ESPNL: variants seen among roughly 807,000 people sequenced by gnomAD.
ESPNL encodes espin like.
A neutral mutation model predicts 46.8 loss-of-function variants in ESPNL; 49 were observed. The ratio of observed to expected loss-of-function variants is 1.05; its 90% CI spans 0.83 to 1.33. The LOEUF (loss-of-function observed/expected upper bound fraction) is 1.33, where lower values mean the gene tolerates loss of function less well. Ranked by LOEUF, ESPNL falls within the 40% of genes most tolerant of loss-of-function variation. ESPNL has a pLI of 0.00. For synonymous variants in ESPNL, 664 were observed against 662.1 expected, an observed-to-expected ratio of 1.00 and a Z score of -0.04; for missense variants, 1,540 against 1,436.6, an observed-to-expected ratio of 1.07 and a Z score of -1.16.
Position 238,130,741 on chromosome 2 carries a change from C to CG in ESPNL, c.2032dup (p.Ala678GlyfsTer16), listed in dbSNP as rs1553575162. 3.8e-6 allele frequency: 6 copies of CG among 1,564,092 alleles called. No homozygotes were observed. The highest frequency in any genetic ancestry group is 1.7e-4 in the Middle Eastern group (1 of 5,888). On this transcript the variant is annotated frameshift_variant, in exon 9 of 9. Coordinates refer to ENST00000343063, the MANE Select transcript of ESPNL (RefSeq NM_194312.4). LOFTEE classifies it low-confidence loss of function (END_TRUNC). ...GGCTTCAACCCTGGCCCCTGCGAGC[C>CG]GGGGGCCCAGCACAGGCAGTGCCTG...
At chr2:238,112,384 G>A (rs1300571760) in intron 4 of ESPNL, among the ~76,000 whole-genome samples, 6 of 151,734 alleles carry the variant, frequency 4.0e-5, no homozygotes, top group African/African-American at 1.5e-4. Context: ...CCTGATATTG[G>A]GTATTTTTGT....
chr2:238,130,598 C>T lies in ESPNL; in HGVS notation c.1884C>T (p.Thr628=), dbSNP rs1692289568. The T allele has an allele frequency of 1.3e-6, 2 of 1,568,900 alleles. No homozygotes were observed. Among genetic ancestry groups the T allele is most frequent in the Non-Finnish European group, 1.7e-6 (2 of 1,157,132 alleles). Residue 628 remains threonine, a synonymous_variant, in exon 9 of 9, where the codon ACC becomes ACT. Coordinates refer to ENST00000343063, the MANE Select transcript of ESPNL (RefSeq NM_194312.4). The part of the protein sequence containing the change: ...EKPSTRPLQD[T]CREASASPPR... ...CATCCACCCGGCCCCTGCAGGACAC[C>T]TGCAGGGAGGCCTCGGCCAGCCCCC...
At chr2:238,108,934 TC>T (rs1691659711) in intron 4 of ESPNL, among the ~76,000 whole-genome samples, 1 of 151,520 alleles carries the variant, frequency 6.6e-6, no homozygotes, top group Non-Finnish European at 1.5e-5. Flanking sequence ...GGAAACCCAA[TC>T]CCCCCTCCCG....
At chr2:238,124,624 CG>C (rs1452068621) in intron 5 of ESPNL, among the ~76,000 whole-genome samples, 11 of 139,290 alleles carry the variant, frequency 7.9e-5, no homozygotes, top group African/African-American at 2.8e-4. Context: ...AGGGTACATG[CG>C]TGTGTGTGCA....
At chr2:238,101,853 GT>G in intron 1 of ESPNL, 87 bp from the exon 2 acceptor site, 1 of 961,916 alleles carries the variant, frequency 1.0e-6, no homozygotes, top group South Asian at 1.5e-5. Flanking sequence ...TGCAGGCAGT[GT>G]GAGCCCTCGC....
At chr2:238,127,117 TTG>T (rs1692154974) in intron 6 of ESPNL, among the ~76,000 whole-genome samples, 1 of 149,208 alleles carries the variant, frequency 6.7e-6, no homozygotes, top group Non-Finnish European at 1.5e-5. Flanking sequence ...TGTGATGTGA[TTG>T]TGTCTGTGTC....
chr2:238,100,689 C>T lies in ESPNL; in HGVS notation c.270C>T (p.Val90=). ...GCCTGGCCGAGCTGTGCTGGCTGGT[C>T]CGCGAGGGGGGCTGCGGTCTGCAGG... is the stretch of plus-strand genomic sequence containing the variant. ...TGSLAELCWL[V]REGGCGLQDQ... Residue 90 remains valine, a synonymous_variant, in exon 1 of 9, where the codon GTC becomes GTT. Coordinates refer to ENST00000343063, the MANE Select transcript of ESPNL (RefSeq NM_194312.4). 2 of 1,432,968 alleles carry T rather than the reference C, an allele frequency of 1.4e-6. No individual in the cohort carries two copies. Among genetic ancestry groups the T allele is most frequent in the Non-Finnish European group, 1.8e-6 (2 of 1,103,042 alleles). The allele number at this position is 1,432,968 out of a possible 1,614,324, so 88.8% of individuals were successfully genotyped here. A position where few individuals can be genotyped will look rare whatever the true frequency, so the allele number is the denominator to read the frequency against.
Position 238,100,429 on chromosome 2 carries a change from C to G in ESPNL, c.10C>G (p.Gln4Glu), listed in dbSNP as rs571618052. The change falls in exon 1 of 9, where the codon CAG becomes GAG. Residue 4 changes from glutamine (Q) to glutamate (E), a missense_variant. Gln to Glu is a conservative substitution (Grantham distance 29, BLOSUM62 2). Transcript: ENST00000343063. ...GAGCCCGGGCCAGAGGATGGAGAAG[C>G]AGCGGGCACTCGTGGCCGCCAAGGA... MEK[Q>E]RALVAAKDGD... 3.1e-6 allele frequency: 5 copies of G among 1,600,924 alleles called. No homozygotes were observed. The highest frequency in any genetic ancestry group is 3.4e-6 in the Non-Finnish European group (4 of 1,176,426).
At chr2:238,119,540 A>G (rs1259482974) in intron 5 of ESPNL, among the ~76,000 whole-genome samples, 50 of 117,444 alleles carry the variant, frequency 4.3e-4, no homozygotes, top group Middle Eastern at 5.0e-3. Flanking sequence ...GAGGAGGTGG[A>G]TGGAGGAGGT....
At chr2:238,103,361 G>A (rs1344707679) in intron 2 of ESPNL, among the ~76,000 whole-genome samples, 1 of 152,176 alleles carries the variant, frequency 6.6e-6, no homozygotes, top group Non-Finnish European at 1.5e-5. Context: ...TCTGGGAGGC[G>A]GAGGTTGCAG....
At chr2:238,109,445 G>A (rs1412292057) in intron 4 of ESPNL, among the ~76,000 whole-genome samples, 1 of 152,192 alleles carries the variant, frequency 6.6e-6, no homozygotes, top group African/African-American at 2.4e-5. Flanking sequence ...CTAACTCCTA[G>A]GCTCAAGCAA....
At chr2:238,113,159 A>G (rs1438032174) in intron 4 of ESPNL, among the ~76,000 whole-genome samples, 4 of 152,194 alleles carry the variant, frequency 2.6e-5, no homozygotes, top group African/African-American at 9.7e-5. Context: ...TTTATCTGAT[A>G]TATGTATACA....
chr2:238,113,656 G>A (rs140874619), intron 4 of ESPNL, among the ~76,000 whole-genome samples: 26 of 152,258 alleles, frequency 1.7e-4, no homozygotes, highest in African/African-American at 2.9e-4. Flanking sequence ...ATCTTAATCC[G>A]CATTCCAGGC....
intron 3 of ESPNL, among the ~76,000 whole-genome samples, chr2:238,107,246 G>A (rs116402683): frequency 0.019 from 2,953 of 152,338 alleles, 91 homozygotes; most frequent in African/African-American, 0.066. Context: ...AGGCAGATGA[G>A]GCCCCAGAGG....
chr2:238,116,962 C>T lies in ESPNL; in HGVS notation c.915C>T (p.Tyr305=). The change falls in exon 5 of 9, where the codon TAC becomes TAT. Residue 305 remains tyrosine, a synonymous_variant. Transcript: ENST00000343063. ...VDPSLRDEDG[Y]TAADLAEYHG... is the part of the protein sequence containing the mutation. ...CCTCCCTGCGGGATGAAGATGGTTA[C>T]ACGGCGGCAGACCTGGCGGAGTACC... 6.2e-7 allele frequency: 1 copy of T among 1,612,598 alleles called. No homozygotes were observed. The highest frequency in any genetic ancestry group is 8.5e-7 in the Non-Finnish European group (1 of 1,179,792).
chr2:238,122,930 G>A (rs748767640), intron 5 of ESPNL, among the ~76,000 whole-genome samples: 54 of 152,206 alleles, frequency 3.5e-4, no homozygotes, highest in Non-Finnish European at 1.5e-4. Flanking sequence ...TTGAAGCAGC[G>A]ACGCCAGCCT....
intron 6 of ESPNL, among the ~76,000 whole-genome samples, chr2:238,126,404 C>T (rs983936204): frequency 2.1e-5 from 3 of 142,584 alleles, no homozygotes; most frequent in African/African-American, 7.9e-5. Context: ...ATGATTATGC[C>T]TGTGTATGTG....
At chr2:238,109,863 A>G (rs56044301) in intron 4 of ESPNL, among the ~76,000 whole-genome samples, 17 of 135,308 alleles carry the variant, frequency 1.3e-4, no homozygotes, top group East Asian at 4.9e-4. Context: ...CCCATTTAGG[A>G]TGCCATACGT....
rs1202631539 is a variant in ESPNL, at chr2:238,130,387, C to T, written c.1673C>T (p.Ala558Val). 4 of 1,610,744 alleles carry T rather than the reference C, an allele frequency of 2.5e-6. No individual in the cohort carries two copies. The highest frequency in any genetic ancestry group is 1.3e-5 in the African/African-American group (1 of 75,006). Residue 558 changes from alanine (A) to valine (V), a missense_variant, in exon 9 of 9, where the codon GCG becomes GTG. Transcript: ENST00000343063. ...ITVNSHFLPR[A>V]PGLEVEEASI... ...GTCAACAGCCACTTCCTGCCCCGGG[C>T]GCCCGGACTGGAGGTTGAGGAGGCC...
Sources: allele counts gnomAD v4.1 joint callset (sites outside exome capture counted in the v4.1 genomes callset), GRCh38; gene constraint gnomAD v4.1.1; transcripts MANE v1.5; gene names NCBI Gene and HGNC (gene_info 2026-07-23, HGNC 2026-07-21).